The following ZNF83 variants were observed in gnomAD, a reference collection of about 807,000 sequenced individuals.
ZNF83 encodes the protein zinc finger protein 83.
For missense variants in ZNF83, 552 were observed against 629.9 expected, an observed-to-expected ratio of 0.88 and a Z score of 1.32; for synonymous variants, 209 against 213.0, an observed-to-expected ratio of 0.98 and a Z score of 0.17.
At chr19:52,635,235 C>A in intron 1 of ZNF83, 82 bp from the exon 2 acceptor site, 1 of 494,848 alleles carries the variant, frequency 2.0e-6, no homozygotes, top group Non-Finnish European at 3.6e-6. Flanking sequence ...CAAAGGAGAC[C>A]TCACCCTGAG....
exon 3 of ZNF83, chr19:52,613,987 G>A (rs1268963040): frequency 1.9e-6 from 3 of 1,613,220 alleles, no homozygotes; most frequent in African/African-American, 1.3e-5. Flanking sequence ...TTGATGTTGT[G>A]CAAGGTGTGA....
At chr19:52,671,292 C>T (rs1255451974) in intron 1 of ZNF83, among the ~76,000 whole-genome samples, 1 of 152,116 alleles carries the variant, frequency 6.6e-6, no homozygotes, top group Non-Finnish European at 1.5e-5. Flanking sequence ...CTTTTTTTTA[C>T]AGTTCTTCCC....
At chr19:52,614,139 A>C in exon 3 of ZNF83, 1 of 1,614,136 alleles carries the variant, frequency 6.2e-7, no homozygotes, top group South Asian at 1.1e-5. Flanking sequence ...CTCCAGTATG[A>C]ATTCTTTGAT....
intron 2 of ZNF83, among the ~76,000 whole-genome samples, chr19:52,626,145 TTA>T (rs1343081364): frequency 6.6e-6 from 1 of 152,214 alleles, no homozygotes; most frequent in African/African-American, 2.4e-5. Flanking sequence ...ATCCCTCTAC[TTA>T]TAGGGTTAGG....
chr19:52,644,230 T>C (rs1248180216), intron 3 of ZNF83, among the ~76,000 whole-genome samples: 1 of 151,812 alleles, frequency 6.6e-6, no homozygotes, highest in Non-Finnish European at 1.5e-5. Flanking sequence ...AAATTCTAAT[T>C]ACAACTGGAC....
intron 2 of ZNF83, among the ~76,000 whole-genome samples, chr19:52,633,810 T>C (rs2061053922): frequency 6.6e-6 from 1 of 152,064 alleles, no homozygotes; most frequent in African/African-American, 2.4e-5. Flanking sequence ...CTCAGGAGGC[T>C]GAGGAAGGCG....
At chr19:52,638,908 C>G (rs948446081), upstream of ZNF83, among the ~76,000 whole-genome samples, 2 of 152,122 alleles carry the variant, frequency 1.3e-5, no homozygotes, top group Admixed American at 6.5e-5. Flanking sequence ...GGAGGATCGC[C>G]GAGCCTGGGA....
At chr19:52,634,258 C>T (rs1415307966) in intron 2 of ZNF83, among the ~76,000 whole-genome samples, 1 of 141,726 alleles carries the variant, frequency 7.1e-6, no homozygotes. Context: ...GGTGACAGAG[C>T]AAGACTCCAT....
chr19:52,678,488 G>A (rs2061856233), intron 1 of ZNF83, among the ~76,000 whole-genome samples: 1 of 151,150 alleles, frequency 6.6e-6, no homozygotes, highest in Non-Finnish European at 1.5e-5. Context: ...AAAACTGGAG[G>A]GTAAATCTTG....
chr19:52,653,924 C>A (rs934663675), intron 3 of ZNF83: 18 of 1,050,656 alleles, frequency 1.7e-5, no homozygotes, highest in Non-Finnish European at 2.5e-5. Flanking sequence ...CTCATGTGTT[C>A]TTCCTGGATT....
At chr19:52,635,743 C>T (rs1402177802) in intron 1 of ZNF83, 2 of 152,104 alleles carry the variant, frequency 1.3e-5, no homozygotes, top group South Asian at 2.1e-4. Context: ...GCCTGTAATA[C>T]TAGCACTCTG....
At chr19:52,642,372 G>A (rs770986931), upstream of ZNF83, among the ~76,000 whole-genome samples, 1 of 137,072 alleles carries the variant, frequency 7.3e-6, no homozygotes, top group Non-Finnish European at 1.5e-5. Flanking sequence ...GGGTTCAAGC[G>A]ATTCTCCTGC....
intron 2 of ZNF83, among the ~76,000 whole-genome samples, chr19:52,619,226 A>C (rs1314960926): frequency 6.6e-6 from 1 of 151,882 alleles, no homozygotes; most frequent in Non-Finnish European, 1.5e-5. Flanking sequence ...GTGTTTGATT[A>C]TACTTTTTGA....
chr19:52,631,884 A>C (rs199617021), intron 2 of ZNF83, among the ~76,000 whole-genome samples: 15,849 of 151,088 alleles, frequency 0.1, 438 homozygotes, highest in South Asian at 0.21. Context: ...TCAAGGAAAT[A>C]ACTTCTCAGT....
chr19:52,626,517 C>T (rs1407033723), intron 2 of ZNF83, among the ~76,000 whole-genome samples: 1 of 152,180 alleles, frequency 6.6e-6, no homozygotes, highest in East Asian at 1.9e-4. Context: ...AACTGAGTGT[C>T]TTGGCTACTC....
At chr19:52,629,057 T>C (rs1372566233) in intron 2 of ZNF83, among the ~76,000 whole-genome samples, 9 of 151,804 alleles carry the variant, frequency 5.9e-5, no homozygotes, top group South Asian at 2.1e-4. Context: ...CATTCCTCCT[T>C]CTCCCTTTCC....
At chr19:52,672,006 G>A (rs766760722) in intron 1 of ZNF83, among the ~76,000 whole-genome samples, 2 of 152,140 alleles carry the variant, frequency 1.3e-5, no homozygotes, top group Non-Finnish European at 2.9e-5. Flanking sequence ...GTCGAGGCAG[G>A]TGGATGACCC....
chr19:52,680,636 G>A (rs558586141), intron 1 of ZNF83, among the ~76,000 whole-genome samples: 72 of 117,980 alleles, frequency 6.1e-4, no homozygotes, highest in Non-Finnish European at 8.2e-4. Flanking sequence ...TTTTTGAGAC[G>A]GAGTCTCGCT....
chr19:52,614,135 T>C, exon 3 of ZNF83: 1 of 1,614,176 alleles, frequency 6.2e-7, no homozygotes, highest in South Asian at 1.1e-5. Flanking sequence ...TTCTCTCCAG[T>C]ATGAATTCTT....
Sources: allele counts gnomAD v4.1 joint callset (sites outside exome capture counted in the v4.1 genomes callset), GRCh38; gene constraint gnomAD v4.1.1; transcripts MANE v1.5; gene names NCBI Gene and HGNC (gene_info 2026-07-23, HGNC 2026-07-21).